The following PIK3C2G variants were observed in gnomAD, a reference collection of about 807,000 sequenced individuals.
The protein encoded by PIK3C2G is phosphatidylinositol 3-kinase C2 domain-containing subunit gamma.
Under a neutral mutation model 181.1 loss-of-function variants are expected in PIK3C2G, and 168 were observed. The ratio of observed to expected loss-of-function variants is 0.93; its 90% CI spans 0.82 to 1.05. The LOEUF is 1.05. Among genes scored for constraint, PIK3C2G ranks in the 50% least tolerant of loss-of-function variants. The pLI is 0.00. For synonymous variants in PIK3C2G, 573 were observed against 592.2 expected, an observed-to-expected ratio of 0.97 and a Z score of 0.47; for missense variants, 1,869 against 1,732.8, an observed-to-expected ratio of 1.08 and a Z score of -1.40.
At chr12:18,281,287 A>C (rs1488282867) in intron 1 of PIK3C2G, among the ~76,000 whole-genome samples, 1 of 134,328 alleles carries the variant, frequency 7.4e-6, no homozygotes. Context: ...AAAAAAAAAA[A>C]GCCAGTGTTT....
At chr12:18,656,560 G>T in the PIK3C2G span, among the ~76,000 whole-genome samples, 1 of 152,054 alleles carries the variant, frequency 6.6e-6, no homozygotes, top group South Asian at 2.1e-4. Context: ...GCGAGACTCT[G>T]TCCTGAAAAA....
intron 13 of PIK3C2G, among the ~76,000 whole-genome samples, chr12:18,374,912 A>G (rs4764396): frequency 0.16 from 23,540 of 151,796 alleles, 2,384 homozygotes; most frequent in Admixed American, 0.28. Flanking sequence ...GCTTCTTGAG[A>G]CCTCCCCAGA....
chr12:18,552,030 T>G (rs975155272), intron 26 of PIK3C2G, among the ~76,000 whole-genome samples: 5 of 152,118 alleles, frequency 3.3e-5, no homozygotes, highest in African/African-American at 1.2e-4. Flanking sequence ...GAGCTTCTTC[T>G]GTGAACTTTG....
At chr12:18,490,747 C>T (rs1320131808) in intron 19 of PIK3C2G, among the ~76,000 whole-genome samples, 2 of 152,040 alleles carry the variant, frequency 1.3e-5, no homozygotes, top group African/African-American at 4.8e-5. Flanking sequence ...CTCCATCATG[C>T]ATATGTGAAA....
In PIK3C2G at chr12:18,311,649, AAAT is replaced by A. The variant is rs1442302280; in HGVS notation, c.1035-2311_1035-2309del. On this transcript the variant is annotated intron_variant, in intron 5 of 32. Transcript: ENST00000538779. Reference sequence around the variant, plus strand: ...CACACGTTTAGTGTAAATATGTATCAAATACTACATGAAATATATACTAAAAAT... The same window carrying A: ...CACACGTTTAGTGTAAATATGTATCAACTACATGAAATATATACTAAAAAT... Among the ~76,000 whole-genome samples, 4 of 152,200 alleles carry A rather than the reference AAAT, an allele frequency of 2.6e-5. No individual in the cohort carries two copies. The East Asian group carries it at 7.7e-4, about 29-fold the overall frequency.
chr12:18,455,318 C>G (rs1400483296), intron 18 of PIK3C2G, among the ~76,000 whole-genome samples: 1 of 151,872 alleles, frequency 6.6e-6, no homozygotes, highest in African/African-American at 2.4e-5. Context: ...GAAGATGCCT[C>G]CCACCTAAGG....
intron 7 of PIK3C2G, among the ~76,000 whole-genome samples, chr12:18,322,318 G>A (rs918602491): frequency 6.6e-6 from 1 of 151,304 alleles, no homozygotes; most frequent in African/African-American, 2.4e-5. Flanking sequence ...GGATGTGGAG[G>A]TTGCAGTAAG....
upstream of PIK3C2G, among the ~76,000 whole-genome samples, chr12:18,258,634 C>T (rs1371400591): frequency 1.4e-5 from 2 of 145,348 alleles, no homozygotes; most frequent in African/African-American, 2.5e-5. Context: ...TTTTTAAGGG[C>T]GGGAGAGGAT....
intron 16 of PIK3C2G, among the ~76,000 whole-genome samples, chr12:18,415,642 TTAGA>T (rs1945131245): frequency 6.6e-6 from 1 of 152,202 alleles, no homozygotes; most frequent in Non-Finnish European, 1.5e-5. Context: ...TGTTGAAAGC[TTAGA>T]TAGGCTAAAA....
chr12:18,261,850 C>T (rs906512710), intron 1 of PIK3C2G, among the ~76,000 whole-genome samples: 4 of 152,052 alleles, frequency 2.6e-5, no homozygotes, highest in African/African-American at 9.7e-5. Context: ...TTCTTTCTCT[C>T]TCTCTCCAGC....
At chr12:18,699,600 G>GTTAA in the PIK3C2G span, among the ~76,000 whole-genome samples, 1 of 152,066 alleles carries the variant, frequency 6.6e-6, no homozygotes, top group Non-Finnish European at 1.5e-5. Context: ...GCTTAGGAAA[G>GTTAA]TTAATTAATG....
chr12:18,610,808 A>T (rs200844407), intron 31 of PIK3C2G, among the ~76,000 whole-genome samples: 1 of 151,616 alleles, frequency 6.6e-6, no homozygotes, highest in Admixed American at 6.6e-5. Flanking sequence ...ATATTAAGAA[A>T]TATTAATCAA....
intron 32 of PIK3C2G, among the ~76,000 whole-genome samples, chr12:18,647,536 TA>T (rs1424684884): frequency 6.6e-6 from 1 of 152,030 alleles, no homozygotes; most frequent in African/African-American, 2.4e-5. Flanking sequence ...TATGAATACA[TA>T]ATAGCTGTAC....
chr12:18,562,232 C>T (rs917461788), intron 26 of PIK3C2G, among the ~76,000 whole-genome samples: 1 of 152,122 alleles, frequency 6.6e-6, no homozygotes, highest in Non-Finnish European at 1.5e-5. Context: ...CCCGGGTTCA[C>T]GCCATTCTCC....
intron 18 of PIK3C2G, among the ~76,000 whole-genome samples, chr12:18,474,339 G>T (rs191573365): frequency 6.6e-6 from 1 of 151,998 alleles, no homozygotes; most frequent in Admixed American, 6.6e-5. Context: ...ACTGATACTA[G>T]AATTTTTTAA....
At chr12:18,651,781 G>T (rs1341621590), downstream of PIK3C2G, among the ~76,000 whole-genome samples, 1 of 152,164 alleles carries the variant, frequency 6.6e-6, no homozygotes, top group African/African-American at 2.4e-5. Flanking sequence ...TCCTTGCAGG[G>T]TATATGAATG....
intron 18 of PIK3C2G, among the ~76,000 whole-genome samples, chr12:18,475,587 C>A (rs1048839335): frequency 6.6e-6 from 1 of 152,050 alleles, no homozygotes; most frequent in African/African-American, 2.4e-5. Flanking sequence ...TATTTTTAAA[C>A]AGTAACAATT....
At chr12:18,475,802 T>C (rs944650656) in intron 18 of PIK3C2G, among the ~76,000 whole-genome samples, 2 of 152,158 alleles carry the variant, frequency 1.3e-5, no homozygotes, top group Admixed American at 6.6e-5. Context: ...GGAAATACCA[T>C]GTGAAAATGT....
downstream of PIK3C2G, among the ~76,000 whole-genome samples, chr12:18,651,666 G>C (rs1336965737): frequency 6.6e-6 from 1 of 152,092 alleles, no homozygotes; most frequent in Non-Finnish European, 1.5e-5. Context: ...GGAACTTCCG[G>C]CCTGAACAGC....
Sources: allele counts gnomAD v4.1 joint callset (sites outside exome capture counted in the v4.1 genomes callset), GRCh38; gene constraint gnomAD v4.1.1; transcripts MANE v1.5; gene names NCBI Gene and HGNC (gene_info 2026-07-23, HGNC 2026-07-21).